The following TUBB8 variants were observed in gnomAD, a reference collection of about 807,000 sequenced individuals.
The protein encoded by TUBB8 is tubulin beta-8 chain.
A neutral mutation model predicts 33.7 loss-of-function variants in TUBB8; 25 were observed. That is an observed-to-expected ratio of 0.74 (90% CI 0.54 to 1.04). TUBB8 has a LOEUF of 1.04. TUBB8 is among the 50% of genes least tolerant of loss of function. The probability of loss-of-function intolerance (pLI) is 0.00; values close to 1 mark genes in which losing one functional copy is unlikely to be tolerated. For synonymous variants in TUBB8, 245 were observed against 240.1 expected (o/e 1.02, Z -0.19); for missense variants, 279 against 608.0 (o/e 0.46, Z 5.69).
At chr10:64,976 A>T (rs1303090537) in intron 1 of TUBB8, among the ~76,000 whole-genome samples, 44 of 2,404 alleles carry the variant, frequency 0.018, 1 homozygote, top group Middle Eastern at 0.17. Context: ...CATCTCCACT[A>T]AAAAAAAAAA....
intron 1 of TUBB8, among the ~76,000 whole-genome samples, chr10:72,196 G>A (rs1486097002): frequency 2.5e-4 from 38 of 151,082 alleles, no homozygotes; most frequent in African/African-American, 8.2e-4. Context: ...TTGCACTTTA[G>A]CCTGGGCAAC....
intron 1 of TUBB8, among the ~76,000 whole-genome samples, chr10:69,339 A>G (rs1383012708): frequency 1.3e-5 from 2 of 152,188 alleles, no homozygotes; most frequent in Non-Finnish European, 2.9e-5. Context: ...TGTTCCCTCA[A>G]GCCATTCACC....
At chr10:67,266 T>C (rs113223722) in intron 1 of TUBB8, among the ~76,000 whole-genome samples, 5,317 of 110,158 alleles carry the variant, frequency 0.048, no homozygotes, top group African/African-American at 0.1. Flanking sequence ...GTAACAGGAA[T>C]CACAAAGAAT....
At chr10:48,197 G>A (rs1834393079) in intron 3 of TUBB8, 83 bp from the exon 4 acceptor site, 7 of 1,006,218 alleles carry the variant, frequency 7.0e-6, no homozygotes, top group East Asian at 2.5e-5. Context: ...AGAGCCAAGC[G>A]TCACACGTGA....
chr10:55,748 T>C (rs1834522521), intron 1 of TUBB8, among the ~76,000 whole-genome samples: 1 of 152,280 alleles, frequency 6.6e-6, no homozygotes, highest in South Asian at 2.1e-4. Context: ...GAAACTGTCT[T>C]ATTTTTTGTT....
upstream of TUBB8, among the ~76,000 whole-genome samples, chr10:50,992 A>T (rs1834461943): frequency 1.3e-5 from 2 of 152,228 alleles, no homozygotes; most frequent in South Asian, 4.1e-4. Flanking sequence ...CTGTGTCCCC[A>T]GTCAAATCTT....
chr10:48,250 C>CCCT, intron 3 of TUBB8, 136 bp from the exon 4 acceptor site: 1 of 1,022,064 alleles, frequency 9.8e-7, no homozygotes, highest in Non-Finnish European at 1.5e-6. Flanking sequence ...AGATGAAACC[C>CCCT]CCTCCCCCAG....
intron 1 of TUBB8, among the ~76,000 whole-genome samples, chr10:55,979 G>A (rs1834525493): frequency 6.6e-6 from 1 of 152,168 alleles, no homozygotes; most frequent in South Asian, 2.1e-4. Context: ...GTGTTTTGTG[G>A]TTCCATATAT....
chr10:56,099 A>G (rs1448275796), intron 1 of TUBB8, among the ~76,000 whole-genome samples: 1 of 152,210 alleles, frequency 6.6e-6, no homozygotes, highest in East Asian at 1.9e-4. Context: ...TAAAATACTG[A>G]TTCTTCCAAT....
intron 1 of TUBB8, among the ~76,000 whole-genome samples, chr10:63,356 G>A (rs1185195772): frequency 2.0e-5 from 3 of 152,232 alleles, no homozygotes; most frequent in Non-Finnish European, 2.9e-5. Flanking sequence ...GATTACAGGC[G>A]TGAGCCACTG....
At position 46,979 on chromosome 10, in the gene TUBB8, G is replaced by T. The variant is rs1834338787; in HGVS notation, c.*78C>A. 1.6e-6 allele frequency: 1 copy of T among 612,124 alleles called. No homozygotes were observed. The highest frequency in any genetic ancestry group is 2.9e-6 in the Non-Finnish European group (1 of 348,780). 37.9% of individuals were successfully genotyped at this position (612,124 alleles called of 1,614,324 possible). A position where few individuals can be genotyped will look rare whatever the true frequency, so the allele number is the denominator to read the frequency against. ...GAGATGTGAAGACACAAATTAACAA[G>T]CGTATAGTGACACATGGCTGTCAGA... On this transcript the variant is annotated 3_prime_UTR_variant, in exon 4 of 4. Transcript: ENST00000568584.
chr10:69,651 A>G (rs1407166812), intron 1 of TUBB8, among the ~76,000 whole-genome samples: 7 of 152,138 alleles, frequency 4.6e-5, no homozygotes, highest in Admixed American at 2.6e-4. Context: ...TGGGCCGGGC[A>G]TGGTGGCTCA....
intron 1 of TUBB8, among the ~76,000 whole-genome samples, chr10:72,877 GA>G (rs545406089): frequency 2.7e-5 from 4 of 147,250 alleles, no homozygotes; most frequent in Non-Finnish European, 4.5e-5. Context: ...AAAGCAAAAA[GA>G]AAAAATAAGA....
At chr10:72,404 C>G (rs1377534253) in intron 1 of TUBB8, among the ~76,000 whole-genome samples, 2 of 151,270 alleles carry the variant, frequency 1.3e-5, no homozygotes, top group Non-Finnish European at 2.9e-5. Flanking sequence ...ATTAAAAATA[C>G]AAAATTAGCC....
At chr10:64,128 G>A (rs1834636481) in intron 1 of TUBB8, among the ~76,000 whole-genome samples, 1 of 152,144 alleles carries the variant, frequency 6.6e-6, no homozygotes, top group African/African-American at 2.4e-5. Flanking sequence ...TGAGGCATGT[G>A]GAGCTGGAGT....
At chr10:63,786 C>T (rs868946022) in intron 1 of TUBB8, among the ~76,000 whole-genome samples, 3 of 152,096 alleles carry the variant, frequency 2.0e-5, no homozygotes, top group Non-Finnish European at 4.4e-5. Flanking sequence ...AGGATTTGCC[C>T]CTGGTGCCTT....
At chr10:52,008 G>A (rs868962335), upstream of TUBB8, among the ~76,000 whole-genome samples, 12 of 152,288 alleles carry the variant, frequency 7.9e-5, no homozygotes, top group African/African-American at 2.9e-4. Flanking sequence ...CTCAGGTGAG[G>A]GACAAAGAGC....
At chr10:68,250 A>G (rs1554741896) in intron 1 of TUBB8, among the ~76,000 whole-genome samples, 1 of 152,238 alleles carries the variant, frequency 6.6e-6, no homozygotes, top group Admixed American at 6.5e-5. Context: ...AAGATTCATG[A>G]CACTCCTAAG....
intron 1 of TUBB8, among the ~76,000 whole-genome samples, chr10:60,962 A>G (rs1461260960): frequency 1.3e-5 from 2 of 151,880 alleles, no homozygotes; most frequent in Admixed American, 6.6e-5. Flanking sequence ...CATTCTCAGT[A>G]AACTATCGCA....
Sources: gnomAD v4.1 joint callset for allele counts (sites outside exome capture counted in the v4.1 genomes callset) on GRCh38, gnomAD v4.1.1 for gene constraint, MANE v1.5 for transcripts, NCBI Gene and HGNC (gene_info 2026-07-23, HGNC 2026-07-21) for gene names.